GLCCI1: variants seen among roughly 807,000 people sequenced by gnomAD.
The protein encoded by GLCCI1 is glucocorticoid-induced transcript 1 protein.
A neutral mutation model predicts 52.2 loss-of-function variants in GLCCI1; 24 were observed. The ratio of observed to expected loss-of-function variants is 0.46; its 90% CI spans 0.33 to 0.65. The LOEUF is 0.65. Among genes scored for constraint, GLCCI1 ranks in the 30% least tolerant of loss-of-function variants. The pLI is 0.02. For synonymous variants in GLCCI1, 310 were observed against 276.5 expected (o/e 1.12, Z -1.20); for missense variants, 704 against 701.5 (o/e 1.00, Z -0.04).
Position 8,072,029 on chromosome 7 carries a change from A to G in GLCCI1, c.1177+898A>G, listed in dbSNP as rs529440091. ...CAGATCATAAGTGCTCAGCCAAATG[A>G]ATTTTTACATATGTGTGTGCTCCTG... is the stretch of plus-strand genomic sequence containing the variant. On this transcript the variant is annotated intron_variant, in intron 6 of 7. Coordinates refer to ENST00000223145, the MANE Select transcript of GLCCI1 (RefSeq NM_138426.4). Among the ~76,000 whole-genome samples the G allele has an allele frequency of 4.6e-5, 7 of 152,266 alleles. No homozygotes were observed. In the East Asian group the frequency reaches 1.3e-3, roughly 29 times the overall value.
chr7:8,035,232 G>A (rs1044602530), intron 3 of GLCCI1, among the ~76,000 whole-genome samples: 1 of 152,192 alleles, frequency 6.6e-6, no homozygotes, highest in African/African-American at 2.4e-5. Flanking sequence ...TCCTTTGCCC[G>A]AGAACTCCCC....
chr7:7,975,929 C>T (rs1440352294), intron 1 of GLCCI1, among the ~76,000 whole-genome samples: 5 of 152,114 alleles, frequency 3.3e-5, no homozygotes, highest in Non-Finnish European at 5.9e-5. Context: ...GTGCTTTTCT[C>T]CCCTTTTCTC....
chr7:8,033,785 A>G (rs2127952463), intron 3 of GLCCI1, among the ~76,000 whole-genome samples: 2 of 152,274 alleles, frequency 1.3e-5, no homozygotes, highest in East Asian at 3.9e-4. Context: ...TTGTTCATGG[A>G]TTGGAAGAAT....
intron 1 of GLCCI1, among the ~76,000 whole-genome samples, chr7:7,996,956 C>T (rs983610970): frequency 3.9e-5 from 6 of 152,184 alleles, no homozygotes; most frequent in South Asian, 4.1e-4. Flanking sequence ...CTTCCTGTCA[C>T]TTATCTGAAG....
chr7:7,987,595 T>C (rs778465043), intron 1 of GLCCI1, among the ~76,000 whole-genome samples: 6 of 152,130 alleles, frequency 3.9e-5, no homozygotes, highest in African/African-American at 1.2e-4. Flanking sequence ...CAGTCATTTA[T>C]TGATTGATGA....
At chr7:7,979,102 A>G (rs573012890) in intron 1 of GLCCI1, among the ~76,000 whole-genome samples, 13 of 152,318 alleles carry the variant, frequency 8.5e-5, no homozygotes, top group African/African-American at 2.9e-4. Flanking sequence ...GGTGTTGGCA[A>G]ACATTGCTAA....
At chr7:7,985,206 A>T (rs879918236) in intron 1 of GLCCI1, among the ~76,000 whole-genome samples, 3 of 152,080 alleles carry the variant, frequency 2.0e-5, no homozygotes, top group Non-Finnish European at 2.9e-5. Flanking sequence ...ATACTTAAGG[A>T]CCCAGGGAAA....
chr7:8,070,889 C>A (rs1467705552), intron 5 of GLCCI1, 32 bp from the exon 6 acceptor site: 2 of 1,564,958 alleles, frequency 1.3e-6, no homozygotes, highest in African/African-American at 1.4e-5. Flanking sequence ...TATGCACCAG[C>A]ATTTGGATGT....
At chr7:8,030,734 A>C (rs190778564) in intron 3 of GLCCI1, among the ~76,000 whole-genome samples, 1 of 152,280 alleles carries the variant, frequency 6.6e-6, no homozygotes, top group Admixed American at 6.5e-5. Flanking sequence ...ATATTTGATT[A>C]GACATTTCTC....
intron 6 of GLCCI1, among the ~76,000 whole-genome samples, chr7:8,082,133 G>T (rs1041469350): frequency 6.6e-6 from 1 of 152,154 alleles, no homozygotes; most frequent in African/African-American, 2.4e-5. Flanking sequence ...TATTTATAAT[G>T]TTGTTATTGA....
chr7:8,031,732 A>G (rs572761182), intron 3 of GLCCI1, among the ~76,000 whole-genome samples: 29 of 151,550 alleles, frequency 1.9e-4, no homozygotes, highest in African/African-American at 7.1e-4. Flanking sequence ...TAAAAAAACA[A>G]ACAGACTGAA....
intron 2 of GLCCI1, among the ~76,000 whole-genome samples, chr7:8,015,251 C>T (rs1781352837): frequency 6.6e-6 from 1 of 152,212 alleles, no homozygotes; most frequent in Non-Finnish European, 1.5e-5. Flanking sequence ...TGATGCACCT[C>T]AAATACTTAC....
intron 5 of GLCCI1, among the ~76,000 whole-genome samples, chr7:8,066,161 T>C (rs2127962903): frequency 1.3e-5 from 2 of 152,330 alleles, no homozygotes; most frequent in East Asian, 3.9e-4. Flanking sequence ...CCTGTTTTTT[T>C]CTGTATTTTC....
intron 1 of GLCCI1, chr7:7,981,324 T>C (rs1780614455): frequency 4.1e-6 from 1 of 245,968 alleles, no homozygotes. Flanking sequence ...CTCTCTTTCT[T>C]TCTTTCTTTT....
intron 1 of GLCCI1, chr7:7,980,796 A>G (rs1780598468): frequency 1.4e-6 from 1 of 694,976 alleles, no homozygotes; most frequent in South Asian, 1.6e-5. Flanking sequence ...AGGCATTGAC[A>G]TAATTAAGAA....
intron 6 of GLCCI1, among the ~76,000 whole-genome samples, chr7:8,080,310 G>GT (rs1287637419): frequency 1.1e-4 from 17 of 151,402 alleles, no homozygotes; most frequent in African/African-American, 3.7e-4. Flanking sequence ...TTATGCTTTA[G>GT]TATGTCATTG....
At position 7,969,257 on chromosome 7, in the gene GLCCI1, C is replaced by T; in HGVS notation, c.-94C>T. On this transcript the variant is annotated 5_prime_UTR_variant, in exon 1 of 8. Transcript: ENST00000223145. The surrounding 1 kb of genome is among the most constrained non-coding windows in gnomAD (Gnocchi z 4.9). ...CCCCCGCCCCTCCCCCTTACACACT[C>T]GCACGCACTATCGCGCCGGCTCCCA... The T allele has an allele frequency of 8.8e-7, 1 of 1,141,258 alleles. No homozygotes were observed. The highest frequency in any genetic ancestry group is 1.1e-6 in the Non-Finnish European group (1 of 911,168). The allele number at this position is 1,141,258 out of a possible 1,614,324, so 70.7% of individuals were successfully genotyped here.
intron 2 of GLCCI1, among the ~76,000 whole-genome samples, chr7:8,010,295 T>G (rs191265474): frequency 1.1e-3 from 162 of 152,364 alleles, no homozygotes; most frequent in Non-Finnish European, 2.1e-3. Flanking sequence ...CTTGCTTCTT[T>G]CTTCTTTTTA....
chr7:8,002,383 G>A (rs1781067186), intron 1 of GLCCI1, among the ~76,000 whole-genome samples: 1 of 152,064 alleles, frequency 6.6e-6, no homozygotes. Flanking sequence ...TTTGGTCACA[G>A]GGAAAATTTC....
Sources: allele counts gnomAD v4.1 joint callset (sites outside exome capture counted in the v4.1 genomes callset), GRCh38; gene constraint gnomAD v4.1.1; non-coding constraint Gnocchi (gnomAD v3.1); transcripts MANE v1.5; gene names NCBI Gene and HGNC (gene_info 2026-07-23, HGNC 2026-07-21).